Variants in SOX6 observed in about 807,000 individuals in gnomAD.
SOX6 encodes SRY-box transcription factor 6, also known as transcription factor SOX-6.
SOX6 carries 11 observed loss-of-function variants against 97.8 expected under a neutral mutation model. That is an observed-to-expected ratio of 0.11 (90% CI 0.07 to 0.19). The LOEUF (loss-of-function observed/expected upper bound fraction) is 0.19, where lower values mean the gene tolerates loss of function less well. Ranked by LOEUF, SOX6 falls within the 10% of genes least tolerant of loss-of-function variation. The probability of loss-of-function intolerance (pLI) is 1.00; values close to 1 mark genes in which losing one functional copy is unlikely to be tolerated. For missense variants in SOX6, 810 were observed against 1,039.5 expected (o/e 0.78, Z 3.04); for synonymous variants, 360 against 371.4 (o/e 0.97, Z 0.35).
intron 3 of SOX6, among the ~76,000 whole-genome samples, chr11:16,616,601 T>A (rs1848474220): frequency 1.3e-5 from 2 of 151,956 alleles, no homozygotes; most frequent in Non-Finnish European, 2.9e-5. Context: ...GAAAAGTATG[T>A]TAACTGTGGA....
intron 6 of SOX6, among the ~76,000 whole-genome samples, chr11:16,155,050 A>AG (rs1554937403): frequency 2.1e-4 from 31 of 146,664 alleles, no homozygotes; most frequent in Admixed American, 6.1e-4. Flanking sequence ...ACTGATTGTC[A>AG]GAAAAAAAAA....
intron 3 of SOX6, among the ~76,000 whole-genome samples, chr11:16,291,973 C>T (rs532341751): frequency 1.3e-5 from 2 of 152,186 alleles, no homozygotes; most frequent in South Asian, 4.1e-4. Flanking sequence ...GGCATTAATG[C>T]ATTTGTTAGT....
intron 13 of SOX6, among the ~76,000 whole-genome samples, chr11:16,002,562 G>A (rs774307157): frequency 3.3e-5 from 5 of 152,012 alleles, no homozygotes; most frequent in Non-Finnish European, 7.4e-5. Flanking sequence ...TTATCTATAT[G>A]CTGTATTTAT....
chr11:16,177,244 T>C (rs941442785), intron 6 of SOX6, among the ~76,000 whole-genome samples: 10 of 151,902 alleles, frequency 6.6e-5, no homozygotes, highest in Admixed American at 5.9e-4. Context: ...TCTCCCTCTA[T>C]CCAGTGAATG....
At chr11:16,642,944 C>A (rs958065812) in intron 3 of SOX6, among the ~76,000 whole-genome samples, 3 of 152,200 alleles carry the variant, frequency 2.0e-5, no homozygotes, top group African/African-American at 4.8e-5. Flanking sequence ...CAGCTTTGTT[C>A]CATTGCTGGT....
chr11:16,219,729 A>G (rs996238712), intron 4 of SOX6, among the ~76,000 whole-genome samples: 1 of 152,040 alleles, frequency 6.6e-6, no homozygotes, highest in Non-Finnish European at 1.5e-5. Flanking sequence ...ATTCAGACAA[A>G]TGACCTAAAT....
chr11:16,631,664 CAAAT>C (rs1848709266), intron 3 of SOX6, among the ~76,000 whole-genome samples: 1 of 152,176 alleles, frequency 6.6e-6, no homozygotes, highest in African/African-American at 2.4e-5. Flanking sequence ...ATAATTCCCT[CAAAT>C]ATATATTCCA....
At chr11:16,622,004 CAG>C (rs767447339) in intron 3 of SOX6, among the ~76,000 whole-genome samples, 35 of 152,284 alleles carry the variant, frequency 2.3e-4, no homozygotes, top group Non-Finnish European at 4.3e-4. Context: ...AAATCAGTAA[CAG>C]AGCATTGCTA....
intron 3 of SOX6, among the ~76,000 whole-genome samples, chr11:16,237,317 C>A (rs1590053552): frequency 6.6e-6 from 1 of 151,922 alleles, no homozygotes; most frequent in East Asian, 1.9e-4. Flanking sequence ...ACTCTATAAG[C>A]AGAAGACACT....
intron 3 of SOX6, among the ~76,000 whole-genome samples, chr11:16,267,199 T>A (rs1487429476): frequency 1.7e-5 from 1 of 59,900 alleles, no homozygotes; most frequent in Non-Finnish European, 3.9e-5. Flanking sequence ...TGGGATTACG[T>A]TAAAATTAAA....
intron 6 of SOX6, among the ~76,000 whole-genome samples, chr11:16,170,986 G>C (rs1674550351): frequency 6.6e-6 from 1 of 151,974 alleles, no homozygotes; most frequent in South Asian, 2.1e-4. Flanking sequence ...CCAAAGTAGA[G>C]TAAGGAAGGT....
intron 8 of SOX6, 117 bp from the exon 9 acceptor site, chr11:16,096,235 G>A: frequency 1.6e-6 from 2 of 1,234,534 alleles, no homozygotes; most frequent in Non-Finnish European, 1.1e-6. Context: ...ATAGAAAGTA[G>A]AAAGTTTAAG....
chr11:16,637,489 G>C (rs1247799217), intron 3 of SOX6, among the ~76,000 whole-genome samples: 1 of 152,152 alleles, frequency 6.6e-6, no homozygotes, highest in Non-Finnish European at 1.5e-5. Flanking sequence ...AAAGTGCTGG[G>C]ATTACAGGCA....
intron 6 of SOX6, among the ~76,000 whole-genome samples, chr11:16,171,467 A>C (rs1589994207): frequency 6.6e-6 from 1 of 152,200 alleles, no homozygotes; most frequent in East Asian, 1.9e-4. Context: ...TTATTAAAAA[A>C]TGAAATAGAG....
At position 16,587,600 on chromosome 11, in the gene SOX6, T is replaced by C. The variant is rs1848108776; in HGVS notation, n.609+24481A>G. The stretch of plus-strand genomic sequence containing the variant: ...TATTATCTCCATCCATGGAAATAAA[T>C]AGATACTGAAAAGAAAGTGAGAAAA... On this transcript the variant is annotated intron_variant and non_coding_transcript_variant, in intron 4 of 5. Coordinates refer to the SOX6 transcript ENST00000524520. Among the ~76,000 whole-genome samples, 5 of 152,320 alleles carry C rather than the reference T, an allele frequency of 3.3e-5. No homozygotes were observed. The South Asian group carries it at 1.0e-3, about 32-fold the overall frequency.
chr11:16,106,562 G>C (rs981758645), intron 7 of SOX6, among the ~76,000 whole-genome samples: 1 of 151,814 alleles, frequency 6.6e-6, no homozygotes, highest in Non-Finnish European at 1.5e-5. Flanking sequence ...ATAGAAAAAG[G>C]TTTTACCTTA....
chr11:16,374,390 T>C (rs1438032793), intron 1 of SOX6, among the ~76,000 whole-genome samples: 2 of 152,118 alleles, frequency 1.3e-5, no homozygotes, highest in Non-Finnish European at 2.9e-5. Context: ...CAGTTTTCTT[T>C]CTAACCCTTC....
chr11:16,317,147 A>G (rs1377718471), intron 3 of SOX6: 2 of 151,898 alleles, frequency 1.3e-5, no homozygotes, highest in Non-Finnish European at 2.9e-5. Flanking sequence ...CTTAAGTTTC[A>G]TAATTGAAAA....
intron 1 of SOX6, among the ~76,000 whole-genome samples, chr11:16,431,740 A>T (rs1325081609): frequency 6.6e-6 from 1 of 152,142 alleles, no homozygotes; most frequent in Non-Finnish European, 1.5e-5. Flanking sequence ...CTAGGGTTTT[A>T]CTTGTCCCAC....
Sources: gnomAD v4.1 joint callset for allele counts (sites outside exome capture counted in the v4.1 genomes callset) on GRCh38, gnomAD v4.1.1 for gene constraint, MANE v1.5 for transcripts, NCBI Gene and HGNC (gene_info 2026-07-23, HGNC 2026-07-21) for gene names.